RNF175: variants seen among roughly 807,000 people sequenced by gnomAD.
The protein encoded by RNF175 is ring finger protein 175.
RNF175 carries 38 observed loss-of-function variants against 50.0 expected under a neutral mutation model. The ratio of observed to expected loss-of-function variants is 0.76; its 90% CI spans 0.59 to 1.00. The LOEUF (loss-of-function observed/expected upper bound fraction) is 1.00, where lower values mean the gene tolerates loss of function less well. RNF175 is among the 50% of genes least tolerant of loss of function. RNF175 has a pLI of 0.00. For synonymous variants in RNF175, 155 were observed against 146.1 expected (o/e 1.06, Z -0.44); for missense variants, 388 against 409.6 (o/e 0.95, Z 0.46).
chr4:153,740,677 A>G (rs1370999066), intron 3 of RNF175, among the ~76,000 whole-genome samples: 1 of 152,066 alleles, frequency 6.6e-6, no homozygotes, highest in Admixed American at 6.6e-5. Context: ...CTTTTTAATC[A>G]TAATTATTTT....
At chr4:153,725,126 G>A (rs999319559) in intron 4 of RNF175, among the ~76,000 whole-genome samples, 4 of 149,186 alleles carry the variant, frequency 2.7e-5, no homozygotes, top group South Asian at 4.3e-4. Flanking sequence ...GGTGAACTGC[G>A]TGGGGGAGTG....
At chr4:153,743,345 T>G (rs375629504) in intron 3 of RNF175, among the ~76,000 whole-genome samples, 6 of 152,298 alleles carry the variant, frequency 3.9e-5, no homozygotes, top group African/African-American at 1.4e-4. Flanking sequence ...CCTCTCATCT[T>G]GAGCCACAGA....
At chr4:153,721,522 T>C (rs569352301) in intron 5 of RNF175, 26 of 152,256 alleles carry the variant, frequency 1.7e-4, no homozygotes, top group African/African-American at 6.0e-4. Context: ...ATTAGGACAG[T>C]GGGGGAAGTG....
intron 3 of RNF175, among the ~76,000 whole-genome samples, chr4:153,728,791 C>G (rs1282202008): frequency 6.6e-6 from 1 of 152,210 alleles, no homozygotes; most frequent in East Asian, 1.9e-4. Flanking sequence ...CTGCACTACA[C>G]AGAGCCCAGG....
At chr4:153,721,288 C>T (rs929623326) in intron 5 of RNF175, 1 of 151,914 alleles carries the variant, frequency 6.6e-6, no homozygotes, top group Admixed American at 6.6e-5. Flanking sequence ...CAGTGGTGAC[C>T]CTTGGTGGTT....
chr4:153,748,942 A>G (rs905189521), intron 2 of RNF175, 156 bp from the exon 3 acceptor site: 41 of 667,300 alleles, frequency 6.1e-5, no homozygotes, highest in South Asian at 5.2e-4. Flanking sequence ...CTTTGATTGT[A>G]AAGTTTTTCT....
intron 3 of RNF175, among the ~76,000 whole-genome samples, chr4:153,740,306 GTTTTA>G (rs989079006): frequency 2.0e-5 from 3 of 151,784 alleles, no homozygotes; most frequent in African/African-American, 4.8e-5. Context: ...ATTATTTTAA[GTTTTA>G]TTTTATTTTT....
At chr4:153,752,706 T>C (rs564810467) in intron 1 of RNF175, among the ~76,000 whole-genome samples, 1 of 152,210 alleles carries the variant, frequency 6.6e-6, no homozygotes, top group African/African-American at 2.4e-5. Context: ...TAAAATAAAA[T>C]ACATTATAGT....
At chr4:153,718,211 TTTTTTTGTTTGTTTGTTTGTTTGTTTG>T (rs1738072618) in intron 6 of RNF175, among the ~76,000 whole-genome samples, 1 of 76,774 alleles carries the variant, frequency 1.3e-5, no homozygotes, top group Admixed American at 1.6e-4. Context: ...CCTAAGGAGT[TTTTTTTGTTTGTTTGTTTGTTTGTTTG>T]TTTTTTTTTT....
Position 153,750,850 on chromosome 4 carries a change from T to G in RNF175, c.104+588A>C, listed in dbSNP as rs1375969596. 2.4e-5 allele frequency among the ~76,000 whole-genome samples: 3 copies of G among 122,904 alleles called. 1 individual carries two copies. The highest frequency in any genetic ancestry group is 7.6e-5 in the African/African-American group (3 of 39,352). The allele number at this position is 122,904 out of a possible 152,430, so 80.6% of individuals were successfully genotyped here. A position where few individuals can be genotyped will look rare whatever the true frequency, so the allele number is the denominator to read the frequency against. On this transcript the variant is annotated intron_variant, in intron 2 of 8. Coordinates refer to ENST00000347063, the MANE Select transcript of RNF175 (RefSeq NM_173662.4). ...ACTTCATCATCAGTCTAAAATAGGA[T>G]TTGCATAGATATAAAATAAAATATG...
At chr4:153,729,797 G>A (rs527656288) in intron 3 of RNF175, 177 of 985,120 alleles carry the variant, frequency 1.8e-4, no homozygotes, top group Middle Eastern at 5.2e-4. Flanking sequence ...AAACACACAC[G>A]GAGCAAGTCT....
chr4:153,727,603 G>A (rs1738774380), intron 4 of RNF175: 2 of 152,254 alleles, frequency 1.3e-5, no homozygotes, highest in South Asian at 2.1e-4. Context: ...TCATGATGAG[G>A]ATATGGATTT....
chr4:153,738,266 T>C (rs1044806647), intron 3 of RNF175, among the ~76,000 whole-genome samples: 2 of 152,002 alleles, frequency 1.3e-5, no homozygotes, highest in Non-Finnish European at 2.9e-5. Context: ...CCCAAGCTGG[T>C]TTTGAACTCC....
At chr4:153,719,684 AC>A in intron 6 of RNF175, among the ~76,000 whole-genome samples, 1 of 152,228 alleles carries the variant, frequency 6.6e-6, no homozygotes, top group East Asian at 1.9e-4. Flanking sequence ...CATCTAGCAT[AC>A]TTTTTATATC....
chr4:153,748,953 A>C, intron 2 of RNF175, 167 bp from the exon 3 acceptor site: 1 of 627,718 alleles, frequency 1.6e-6, no homozygotes, highest in Non-Finnish European at 2.6e-6. Flanking sequence ...AAGTTTTTCT[A>C]AGTTTTTCTT....
At position 153,713,244 on chromosome 4, in the gene RNF175, T is replaced by C. The variant is rs1296013509; in HGVS notation, c.765-668A>G. 1.1e-4 allele frequency: 17 copies of C among 152,280 alleles called. 1 individual carries two copies. The highest frequency in any genetic ancestry group is 1.0e-3 in the Admixed American group (16 of 15,282). 9.4% of individuals were successfully genotyped at this position (152,280 alleles called of 1,614,324 possible). A position where few individuals can be genotyped will look rare whatever the true frequency, so the allele number is the denominator to read the frequency against. On this transcript the variant is annotated intron_variant, in intron 7 of 8. Transcript: ENST00000347063. ...TCCCCAAACTTGAGTGAACCCTATG[T>C]GTTCTCACAGCACCAGGGACTTACT... is the stretch of plus-strand genomic sequence containing the variant.
chr4:153,715,240 C>T, intron 7 of RNF175: 1 of 441,254 alleles, frequency 2.3e-6, no homozygotes, highest in Non-Finnish European at 4.2e-6. Flanking sequence ...CTTATGACTT[C>T]AACCAATTTC....
At chr4:153,734,654 GTTTTTTTATTCTTTTTTTTTTT>G (rs1739237214) in intron 3 of RNF175, among the ~76,000 whole-genome samples, 3 of 96,626 alleles carry the variant, frequency 3.1e-5, no homozygotes, top group African/African-American at 1.5e-4. Flanking sequence ...AGTCTGGCTT[GTTTTTTTATTCTTTTTTTTTTT>G]TTTTTTTTTT....
At chr4:153,722,186 T>C (rs1738379889) in intron 5 of RNF175, among the ~76,000 whole-genome samples, 1 of 152,160 alleles carries the variant, frequency 6.6e-6, no homozygotes, top group Admixed American at 6.5e-5. Flanking sequence ...ATGTCTTCAG[T>C]CCCCTTTCCA....
Sources: allele counts gnomAD v4.1 joint callset (sites outside exome capture counted in the v4.1 genomes callset), GRCh38; gene constraint gnomAD v4.1.1; transcripts MANE v1.5; gene names NCBI Gene and HGNC (gene_info 2026-07-23, HGNC 2026-07-21).